ANKS1B: variants seen among roughly 807,000 people sequenced by gnomAD.
The protein encoded by ANKS1B is ankyrin repeat and sterile alpha motif domain containing 1B.
In ANKS1B, 36 loss-of-function variants were observed where a neutral mutation model predicts 148.3. The ratio of observed to expected loss-of-function variants is 0.24; its 90% CI spans 0.19 to 0.32. The LOEUF is 0.32. Ranked by LOEUF, ANKS1B falls within the 10% of genes least tolerant of loss-of-function variation. The pLI is 1.00. For synonymous variants in ANKS1B, 542 were observed against 560.8 expected (o/e 0.97, Z 0.47); for missense variants, 1,157 against 1,542.6 (o/e 0.75, Z 4.19).
intron 12 of ANKS1B, among the ~76,000 whole-genome samples, chr12:99,378,263 A>T (rs1223495465): frequency 6.6e-6 from 1 of 152,130 alleles, no homozygotes; most frequent in Non-Finnish European, 1.5e-5. Flanking sequence ...TCTTAAAGAG[A>T]TTTGTGACTG....
chr12:99,647,998 T>C lies in ANKS1B; in HGVS notation c.1272+7069A>G, dbSNP rs1212997365. 5 of 795,818 alleles carry C rather than the reference T, an allele frequency of 6.3e-6. No homozygotes were observed. In the African/African-American group the frequency reaches 8.7e-5, roughly 14 times the overall value. 49.3% of individuals were successfully genotyped at this position (795,818 alleles called of 1,614,324 possible). A position where few individuals can be genotyped will look rare whatever the true frequency, so the allele number is the denominator to read the frequency against. On this transcript the variant is annotated intron_variant, in intron 9 of 26. Transcript: ENST00000683438. ...ACTGACTGTCTCTGGCATTGAGCGG[T>C]TGGTAATCAATACCCCACCCTCCCT...
intron 24 of ANKS1B, among the ~76,000 whole-genome samples, chr12:98,774,167 T>C (rs1349183272): frequency 6.6e-6 from 1 of 152,156 alleles, no homozygotes; most frequent in Non-Finnish European, 1.5e-5. Flanking sequence ...AATTAGGAGG[T>C]GGTGCTGTTG....
intron 8 of ANKS1B, among the ~76,000 whole-genome samples, chr12:99,758,873 T>C (rs548514660): frequency 5.9e-4 from 90 of 151,970 alleles, no homozygotes; most frequent in Non-Finnish European, 8.8e-4. Flanking sequence ...CCAGGCTAGG[T>C]AAAACTAGGA....
intron 14 of ANKS1B, among the ~76,000 whole-genome samples, chr12:99,243,888 A>G (rs1034546933): frequency 2.0e-5 from 3 of 152,014 alleles, no homozygotes; most frequent in Admixed American, 6.6e-5. Context: ...GAGCTGGGGG[A>G]GGGATAGCAT....
intron 17 of ANKS1B, among the ~76,000 whole-genome samples, chr12:98,881,163 C>T (rs530881492): frequency 1.3e-5 from 2 of 152,160 alleles, no homozygotes; most frequent in Non-Finnish European, 2.9e-5. Context: ...ATTTAAATGC[C>T]ACATTGATAA....
chr12:99,468,117 C>A (rs2096164186), intron 10 of ANKS1B, among the ~76,000 whole-genome samples: 3 of 152,074 alleles, frequency 2.0e-5, no homozygotes. Flanking sequence ...CAGAACAGAG[C>A]CCTCAGAAAT....
At chr12:99,555,677 C>T (rs1206246728) in intron 9 of ANKS1B, among the ~76,000 whole-genome samples, 2 of 152,158 alleles carry the variant, frequency 1.3e-5, no homozygotes, top group Non-Finnish European at 2.9e-5. Context: ...AAAGCCTTTT[C>T]TACATCTATT....
In ANKS1B at chr12:99,002,184, A is replaced by T. The variant is rs559489169; in HGVS notation, c.2778+50973T>A. ...TAGACCCAGAAGTGGGATTGATTTTATTATATAGCAGTGTTGTTCTTCACT... is the reference window on the plus strand; with the variant it reads ...TAGACCCAGAAGTGGGATTGATTTTTTTATATAGCAGTGTTGTTCTTCACT... On this transcript the variant is annotated intron_variant, in intron 17 of 26. Transcript: ENST00000683438. Among the ~76,000 whole-genome samples, 5 of 152,282 alleles carry T rather than the reference A, an allele frequency of 3.3e-5. No individual in the cohort carries two copies. In the South Asian group the frequency reaches 1.0e-3, roughly 32 times the overall value.
rs1054431883 is a variant in ANKS1B at position 99,504,614 on chromosome 12, T to G, written c.1300A>C (p.Thr434Pro). ...QESYPKKRNY[T>P]MEIVPSASLD... ...GAAGCAGATGGTACAATTTCCATAG[T>G]GTAATTTCTCTTCTTTGGATAGGAC... The change falls in exon 10 of 27, where the codon ACT (threonine) becomes CCT (proline). Residue 434 changes from threonine (T) to proline (P), a missense_variant. By Grantham distance (38) the Thr-to-Pro change is conservative (BLOSUM62 -1). Transcript: ENST00000683438. 6.2e-7 allele frequency: 1 copy of G among 1,600,968 alleles called. No homozygotes were observed. Among genetic ancestry groups the G allele is most frequent in the African/African-American group, 1.3e-5 (1 of 74,586 alleles).
At chr12:99,267,369 T>C (rs2076549878) in intron 12 of ANKS1B, among the ~76,000 whole-genome samples, 2 of 152,056 alleles carry the variant, frequency 1.3e-5, no homozygotes. Context: ...CTCTCTCTCT[T>C]GCTACAGATA....
chr12:99,022,988 T>A (rs1027976683), intron 17 of ANKS1B, among the ~76,000 whole-genome samples: 2 of 152,206 alleles, frequency 1.3e-5, no homozygotes, highest in Non-Finnish European at 2.9e-5. Context: ...TAATACATAT[T>A]TTTTGGCCTT....
At chr12:99,080,262 T>C (rs746897393) in intron 16 of ANKS1B, among the ~76,000 whole-genome samples, 15 of 152,220 alleles carry the variant, frequency 9.9e-5, no homozygotes, top group African/African-American at 2.4e-5. Context: ...TATCAGAGTC[T>C]GCTGAAGTCA....
chr12:99,513,511 G>C (rs1185531258), intron 9 of ANKS1B, among the ~76,000 whole-genome samples: 1 of 151,948 alleles, frequency 6.6e-6, no homozygotes, highest in Non-Finnish European at 1.5e-5. Context: ...TTAACTTCAT[G>C]TTTATTTTTC....
intron 4 of ANKS1B, among the ~76,000 whole-genome samples, chr12:99,793,192 A>G (rs1199867524): frequency 6.6e-6 from 1 of 152,072 alleles, no homozygotes; most frequent in African/African-American, 2.4e-5. Context: ...ATTGAAGATG[A>G]CATCAAAAAT....
At chr12:99,098,512 A>G (rs994509094) in intron 15 of ANKS1B, among the ~76,000 whole-genome samples, 2 of 151,972 alleles carry the variant, frequency 1.3e-5, no homozygotes, top group African/African-American at 4.8e-5. Flanking sequence ...CAATGGGGAT[A>G]ACACTAATGC....
At chr12:99,544,926 C>T (rs1257992397) in intron 9 of ANKS1B, among the ~76,000 whole-genome samples, 1 of 152,160 alleles carries the variant, frequency 6.6e-6, no homozygotes, top group Non-Finnish European at 1.5e-5. Flanking sequence ...CTGCAAAACA[C>T]TGTCTAATTA....
chr12:99,467,079 A>C (rs1343653746), intron 10 of ANKS1B, among the ~76,000 whole-genome samples: 1 of 152,248 alleles, frequency 6.6e-6, no homozygotes, highest in Non-Finnish European at 1.5e-5. Flanking sequence ...CACATCAAAA[A>C]TCTTATCCAC....
intron 17 of ANKS1B, among the ~76,000 whole-genome samples, chr12:99,022,503 A>G (rs1006844749): frequency 1.3e-5 from 2 of 152,076 alleles, no homozygotes; most frequent in Non-Finnish European, 2.9e-5. Context: ...TTCCTTTACA[A>G]TCTCTATACT....
intron 1 of ANKS1B, among the ~76,000 whole-genome samples, chr12:99,915,422 G>A (rs898832739): frequency 2.6e-5 from 4 of 152,098 alleles, no homozygotes; most frequent in African/African-American, 9.7e-5. Context: ...GCTAGATAGA[G>A]GAGAGTGCTT....
Sources: allele counts gnomAD v4.1 joint callset (sites outside exome capture counted in the v4.1 genomes callset), GRCh38; gene constraint gnomAD v4.1.1; transcripts MANE v1.5; gene names NCBI Gene and HGNC (gene_info 2026-07-23, HGNC 2026-07-21).